Variants in SUCLG2 observed in about 807,000 individuals in gnomAD.
SUCLG2 encodes succinate-CoA ligase GDP-forming subunit beta.
A neutral mutation model predicts 47.9 loss-of-function variants in SUCLG2; 42 were observed. The observed-to-expected ratio is 0.88, with a 90% CI of 0.69 to 1.14. The LOEUF is 1.14. Among genes scored for constraint, SUCLG2 ranks in the 50% most tolerant of loss-of-function variants. The pLI is 0.00. For missense variants in SUCLG2, 571 were observed against 525.9 expected, an observed-to-expected ratio of 1.09 and a Z score of -0.84; for synonymous variants, 195 against 197.3, an observed-to-expected ratio of 0.99 and a Z score of 0.10.
At chr3:67,455,142 T>C (rs1704153787) in intron 9 of SUCLG2, among the ~76,000 whole-genome samples, 1 of 152,114 alleles carries the variant, frequency 6.6e-6, no homozygotes, top group South Asian at 2.1e-4. Flanking sequence ...ATATTCAGTG[T>C]TTTAGATTTA....
At chr3:67,608,654 G>A (rs1394762278) in intron 2 of SUCLG2, among the ~76,000 whole-genome samples, 1 of 147,834 alleles carries the variant, frequency 6.8e-6, no homozygotes, top group African/African-American at 2.5e-5. Context: ...TGAAAAGAAA[G>A]GGAAGTTGTT....
intron 9 of SUCLG2, among the ~76,000 whole-genome samples, chr3:67,491,706 G>C (rs1705210966): frequency 1.3e-5 from 2 of 152,060 alleles, no homozygotes; most frequent in Admixed American, 6.5e-5. Flanking sequence ...TGTTCACTTT[G>C]TAATAATTCA....
intron 1 of SUCLG2, among the ~76,000 whole-genome samples, chr3:67,644,173 C>T (rs908327230): frequency 1.3e-5 from 2 of 152,002 alleles, no homozygotes; most frequent in African/African-American, 2.4e-5. Flanking sequence ...TATACCTCCA[C>T]GGAACACTCA....
At chr3:67,648,017 A>G (rs1701220796) in intron 1 of SUCLG2, among the ~76,000 whole-genome samples, 1 of 152,250 alleles carries the variant, frequency 6.6e-6, no homozygotes, top group Non-Finnish European at 1.5e-5. Context: ...CAGCGAATTT[A>G]GCTTCAAATT....
chr3:67,475,212 C>T (rs1358075141), intron 9 of SUCLG2, among the ~76,000 whole-genome samples: 1 of 152,114 alleles, frequency 6.6e-6, no homozygotes, highest in African/African-American at 2.4e-5. Context: ...AAGTCAACTG[C>T]CTATTAGCAA....
At chr3:67,382,214 G>A (rs68176088) in intron 10 of SUCLG2, among the ~76,000 whole-genome samples, 14,108 of 152,184 alleles carry the variant, frequency 0.093, 779 homozygotes, top group Admixed American at 0.14. Context: ...TTAATCCTCA[G>A]AGCAACCCTG....
intron 9 of SUCLG2, among the ~76,000 whole-genome samples, chr3:67,448,664 A>T (rs575822810): frequency 6.6e-6 from 1 of 152,382 alleles, no homozygotes; most frequent in South Asian, 2.1e-4. Flanking sequence ...AAAAGTAGAT[A>T]ACAATTAAAA....
In SUCLG2 at chr3:67,541,141, C is replaced by T. The variant is rs539347332; in HGVS notation, c.227-11955G>A. On this transcript the variant is annotated intron_variant, in intron 2 of 10. Transcript: ENST00000307227. The stretch of plus-strand genomic sequence containing the variant: ...GCTGAAAATTCCAAAAACCAGAACA[C>T]CTCTTTTCCTTCAAAGGATCACAAC... Among the ~76,000 whole-genome samples, 5 of 152,244 alleles carry T rather than the reference C, an allele frequency of 3.3e-5. No individual in the cohort carries two copies. In the South Asian group the frequency reaches 6.2e-4, roughly 19 times the overall value.
At chr3:67,555,176 T>C (rs1162868253) in intron 2 of SUCLG2, among the ~76,000 whole-genome samples, 1 of 152,094 alleles carries the variant, frequency 6.6e-6, no homozygotes, top group East Asian at 1.9e-4. Flanking sequence ...AACTTCCAAA[T>C]ATGGAAAGGT....
At chr3:67,410,308 G>A (rs930899067) in intron 9 of SUCLG2, among the ~76,000 whole-genome samples, 1 of 152,318 alleles carries the variant, frequency 6.6e-6, no homozygotes, top group East Asian at 1.9e-4. Context: ...GCCAAGGGTG[G>A]CATATAAATG....
At position 67,630,018 on chromosome 3, in the gene SUCLG2, C is replaced by T. The variant is rs74387298; in HGVS notation, c.85-20422G>A. Among the ~76,000 whole-genome samples, 250 of 152,014 alleles carry T rather than the reference C, an allele frequency of 1.6e-3. 2 individuals carry two copies. The highest frequency in any genetic ancestry group is 3.0e-3 in the Non-Finnish European group (203 of 67,988). The stretch of plus-strand genomic sequence containing the variant: ...ACAAAAGATAAATTATGTGGTACAG[C>T]CAGGAAATGCATATTGAGCTTATAA... On this transcript the variant is annotated intron_variant, in intron 1 of 10. Transcript: ENST00000307227.
intron 9 of SUCLG2, among the ~76,000 whole-genome samples, chr3:67,494,510 T>C (rs1355962051): frequency 6.6e-6 from 1 of 152,064 alleles, no homozygotes; most frequent in African/African-American, 2.4e-5. Context: ...CCTGTAGTCC[T>C]AGCTACTCAA....
intron 9 of SUCLG2, among the ~76,000 whole-genome samples, chr3:67,430,613 G>T (rs1220124094): frequency 6.6e-6 from 1 of 152,092 alleles, no homozygotes; most frequent in African/African-American, 2.4e-5. Context: ...GAGCAGAACT[G>T]AAGGACATAG....
At chr3:67,405,601 T>C (rs900696313) in intron 9 of SUCLG2, among the ~76,000 whole-genome samples, 13 of 152,280 alleles carry the variant, frequency 8.5e-5, no homozygotes, top group East Asian at 3.9e-4. Context: ...AGTGGTAACC[T>C]ACAGCATATG....
At chr3:67,396,189 A>T (rs147966132) in intron 10 of SUCLG2, among the ~76,000 whole-genome samples, 1 of 151,950 alleles carries the variant, frequency 6.6e-6, no homozygotes, top group Non-Finnish European at 1.5e-5. Context: ...AACTGAAGGA[A>T]ATAGAGACAC....
intron 9 of SUCLG2, among the ~76,000 whole-genome samples, chr3:67,470,260 A>G (rs1378805289): frequency 2.0e-5 from 3 of 152,202 alleles, no homozygotes; most frequent in Non-Finnish European, 4.4e-5. Flanking sequence ...TTCATGTGGT[A>G]TTCTCAGGCC....
intron 9 of SUCLG2, among the ~76,000 whole-genome samples, chr3:67,401,288 T>C (rs1467153078): frequency 1.3e-5 from 2 of 152,180 alleles, no homozygotes; most frequent in Admixed American, 6.5e-5. Context: ...CCATTTATTG[T>C]TTTGTATTAA....
chr3:67,541,003 G>A (rs926661812), intron 2 of SUCLG2, among the ~76,000 whole-genome samples: 1 of 152,206 alleles, frequency 6.6e-6, no homozygotes, highest in Non-Finnish European at 1.5e-5. Flanking sequence ...GAAAGGAATA[G>A]TATAAACATC....
rs1444270874 is a variant in SUCLG2 at position 67,443,341 on chromosome 3, C to T, written c.1063-42490G>A. On this transcript the variant is annotated intron_variant, in intron 9 of 10. Coordinates refer to ENST00000307227, the MANE Select transcript of SUCLG2 (RefSeq NM_003848.4). ...GCGGAGCTGTCTCAGTCTTTGCCGC[C>T]GCGCCGGCGAGCGCCCCTCGGGAGG... Among the ~76,000 whole-genome samples, 66 of 30,912 alleles carry T rather than the reference C, an allele frequency of 2.1e-3. 18 individuals are homozygous for T. The highest frequency in any genetic ancestry group is 5.4e-3 in the African/African-American group (54 of 10,082). 20.3% of individuals were successfully genotyped at this position (30,912 alleles called of 152,430 possible).
Sources: gnomAD v4.1 joint callset for allele counts (sites outside exome capture counted in the v4.1 genomes callset) on GRCh38, gnomAD v4.1.1 for gene constraint, MANE v1.5 for transcripts, NCBI Gene and HGNC (gene_info 2026-07-23, HGNC 2026-07-21) for gene names.